Variants in ADGRL3 observed in about 807,000 individuals in gnomAD.
ADGRL3 encodes the protein adhesion G protein-coupled receptor L3.
Under a neutral mutation model 153.5 loss-of-function variants are expected in ADGRL3, and 62 were observed. That is an observed-to-expected ratio of 0.40 (90% CI 0.33 to 0.50). The LOEUF is 0.50. Ranked by LOEUF, ADGRL3 falls within the 20% of genes least tolerant of loss-of-function variation. The pLI is 0.47. For synonymous variants in ADGRL3, 710 were observed against 672.5 expected, an observed-to-expected ratio of 1.06 and a Z score of -0.86; for missense variants, 1,641 against 1,859.4, an observed-to-expected ratio of 0.88 and a Z score of 2.16.
chr4:61,666,966 T>C (rs1197321609), intron 5 of ADGRL3, among the ~76,000 whole-genome samples: 1 of 152,174 alleles, frequency 6.6e-6, no homozygotes, highest in Non-Finnish European at 1.5e-5. Flanking sequence ...AGCTTAGAAA[T>C]CACTGGTACA....
chr4:61,994,015 A>C (rs1351989372), intron 19 of ADGRL3, among the ~76,000 whole-genome samples: 1 of 152,210 alleles, frequency 6.6e-6, no homozygotes, highest in East Asian at 1.9e-4. Flanking sequence ...ACTTTGAATA[A>C]AGAAATTATC....
intron 9 of ADGRL3, among the ~76,000 whole-genome samples, chr4:61,827,966 T>C (rs2148821395): frequency 6.6e-6 from 1 of 152,320 alleles, no homozygotes; most frequent in African/African-American, 2.4e-5. Context: ...AATTGGCCCT[T>C]TGGTCACCGG....
intron 1 of ADGRL3, among the ~76,000 whole-genome samples, chr4:61,378,055 T>G (rs1477239133): frequency 1.3e-5 from 2 of 152,030 alleles, no homozygotes; most frequent in African/African-American, 4.8e-5. Flanking sequence ...GCAACACAAT[T>G]TATATGATTT....
intron 2 of ADGRL3, among the ~76,000 whole-genome samples, chr4:61,478,856 A>G (rs566571839): frequency 4.4e-4 from 67 of 152,240 alleles, no homozygotes; most frequent in African/African-American, 1.5e-3. Context: ...TGAACTCAAA[A>G]GAAAAACACA....
At chr4:61,454,415 A>G (rs1369148935) in intron 2 of ADGRL3, among the ~76,000 whole-genome samples, 1 of 152,172 alleles carries the variant, frequency 6.6e-6, no homozygotes, top group Non-Finnish European at 1.5e-5. Flanking sequence ...TTTTAAATTT[A>G]CTTCAAAGTA....
At chr4:61,883,122 C>T (rs957460715) in intron 9 of ADGRL3, among the ~76,000 whole-genome samples, 7 of 152,180 alleles carry the variant, frequency 4.6e-5, no homozygotes, top group Non-Finnish European at 7.4e-5. Flanking sequence ...TCTCAAAAAA[C>T]GAAACAAAAC....
chr4:61,562,812 A>G (rs1223366792), intron 4 of ADGRL3, among the ~76,000 whole-genome samples: 1 of 152,032 alleles, frequency 6.6e-6, no homozygotes, highest in Admixed American at 6.6e-5. Context: ...TCTTCAGTCA[A>G]TCATGAATGT....
rs1431008745 is a variant in ADGRL3 at position 61,503,850 on chromosome 4, G to A, written c.55+6502G>A. Among the ~76,000 whole-genome samples the A allele has an allele frequency of 3.3e-5, 5 of 151,936 alleles. No individual in the cohort carries two copies. The East Asian group carries it at 5.8e-4, about 18-fold the overall frequency. ...TCAAATTGGAGTACTTAGGATATTC[G>A]TCACTTCAACCATTTTTCATTTTTT... On this transcript the variant is annotated intron_variant, in intron 3 of 26. Coordinates refer to ENST00000683033, the MANE Select transcript of ADGRL3 (RefSeq NM_001387552.1).
Position 61,905,568 on chromosome 4 carries a change from T to C in ADGRL3, c.1888-3992T>C, listed in dbSNP as rs183510391. 1.1e-3 allele frequency among the ~76,000 whole-genome samples: 173 copies of C among 152,246 alleles called. No individual in the cohort carries two copies. The Middle Eastern group carries it at 0.02, about 18-fold the overall frequency. On this transcript the variant is annotated intron_variant, in intron 11 of 26. Transcript: ENST00000683033. Reference sequence around the variant, plus strand: ...CTGACCATATTTTACAAATTTATTATACTCAGTCCTGATATTTTCTATTTT... The same window carrying C: ...CTGACCATATTTTACAAATTTATTACACTCAGTCCTGATATTTTCTATTTT...
intron 1 of ADGRL3, among the ~76,000 whole-genome samples, chr4:61,321,263 G>A (rs2095349728): frequency 6.6e-6 from 1 of 152,098 alleles, no homozygotes; most frequent in African/African-American, 2.4e-5. Context: ...AGAAATGTAT[G>A]TTCATTGTTG....
In ADGRL3 at chr4:61,774,076, G is replaced by A. The variant is rs1027912160; in HGVS notation, c.1400-39733G>A. ...CAGATCAAAAATATTCAGGAAACAGGCCGGGCATGGTGCCTCATGCTTGTA... is the reference window on the plus strand; with the variant it reads ...CAGATCAAAAATATTCAGGAAACAGACCGGGCATGGTGCCTCATGCTTGTA... On this transcript the variant is annotated intron_variant, in intron 8 of 26. Coordinates refer to ENST00000683033, the MANE Select transcript of ADGRL3 (RefSeq NM_001387552.1). 3.3e-5 allele frequency among the ~76,000 whole-genome samples: 5 copies of A among 152,080 alleles called. No individual in the cohort carries two copies. The South Asian group carries it at 1.0e-3, about 32-fold the overall frequency.
At chr4:61,797,663 A>C (rs2152465398) in intron 8 of ADGRL3, among the ~76,000 whole-genome samples, 1 of 152,282 alleles carries the variant, frequency 6.6e-6, no homozygotes, top group Non-Finnish European at 1.5e-5. Context: ...GCCAAATGAT[A>C]AACCAAGAAA....
intron 9 of ADGRL3, among the ~76,000 whole-genome samples, chr4:61,817,942 G>A (rs1313153440): frequency 6.6e-6 from 1 of 152,134 alleles, no homozygotes; most frequent in Non-Finnish European, 1.5e-5. Flanking sequence ...TACAATGCAA[G>A]ATGAGATTTG....
intron 1 of ADGRL3, among the ~76,000 whole-genome samples, chr4:61,243,255 C>T (rs1755709065): frequency 6.6e-6 from 1 of 152,000 alleles, no homozygotes; most frequent in Admixed American, 6.6e-5. Context: ...TAGTAGATCT[C>T]AGTTAAAAAC....
chr4:61,548,042 G>T (rs1239543630), intron 4 of ADGRL3, among the ~76,000 whole-genome samples: 1 of 151,916 alleles, frequency 6.6e-6, no homozygotes, highest in Non-Finnish European at 1.5e-5. Flanking sequence ...TAGTGATGTT[G>T]AGTATTTTTT....
At chr4:61,474,827 T>C (rs2098023349) in intron 2 of ADGRL3, among the ~76,000 whole-genome samples, 1 of 152,162 alleles carries the variant, frequency 6.6e-6, no homozygotes, top group Non-Finnish European at 1.5e-5. Context: ...TATTATATTT[T>C]ACCTATCTAT....
At chr4:61,616,405 A>G (rs1465029833) in intron 5 of ADGRL3, among the ~76,000 whole-genome samples, 2 of 152,188 alleles carry the variant, frequency 1.3e-5, no homozygotes, top group African/African-American at 4.8e-5. Flanking sequence ...TTTCATTACT[A>G]CTGGACATTA....
chr4:61,753,475 T>C (rs79762682), intron 8 of ADGRL3, among the ~76,000 whole-genome samples: 13,157 of 152,094 alleles, frequency 0.087, 1,187 homozygotes, highest in African/African-American at 0.23. Flanking sequence ...AGTCTCAATG[T>C]CCAGGGCTTC....
intron 21 of ADGRL3, among the ~76,000 whole-genome samples, chr4:62,026,620 G>C (rs1718732658): frequency 6.6e-6 from 1 of 151,954 alleles, no homozygotes; most frequent in African/African-American, 2.4e-5. Context: ...CGTTTTTATA[G>C]TACAGAGATA....
Sources: gnomAD v4.1 joint callset for allele counts (sites outside exome capture counted in the v4.1 genomes callset) on GRCh38, gnomAD v4.1.1 for gene constraint, MANE v1.5 for transcripts, NCBI Gene and HGNC (gene_info 2026-07-23, HGNC 2026-07-21) for gene names.